UTRN: variants seen among roughly 807,000 people sequenced by gnomAD.
UTRN encodes utrophin.
UTRN carries 283 observed loss-of-function variants against 463.9 expected under a neutral mutation model. That is an observed-to-expected ratio of 0.61 (90% CI 0.55 to 0.67). The LOEUF (loss-of-function observed/expected upper bound fraction) is 0.67, where lower values mean the gene tolerates loss of function less well. Ranked by LOEUF, UTRN falls within the 30% of genes least tolerant of loss-of-function variation. The pLI is 0.00. For missense variants in UTRN, 3,922 were observed against 4,084.3 expected (o/e 0.96, Z 1.08); for synonymous variants, 1,442 against 1,431.5 (o/e 1.01, Z -0.17).
intron 51 of UTRN, among the ~76,000 whole-genome samples, chr6:144,677,870 CAT>C (rs1177085502): frequency 6.6e-6 from 1 of 152,096 alleles, no homozygotes; most frequent in African/African-American, 2.4e-5. Context: ...AGCTTTTTTT[CAT>C]ATGTTTGTTG....
intron 45 of UTRN, among the ~76,000 whole-genome samples, chr6:144,542,590 C>T (rs1260396053): frequency 1.3e-5 from 2 of 152,044 alleles, no homozygotes; most frequent in African/African-American, 2.4e-5. Context: ...CAGCTAAGGA[C>T]TGGTTGGTGT....
intron 1 of UTRN, among the ~76,000 whole-genome samples, chr6:144,290,372 T>A (rs1804107555): frequency 6.6e-6 from 1 of 152,238 alleles, no homozygotes; most frequent in African/African-American, 2.4e-5. Context: ...ATTTTGGTTT[T>A]CAAGACGCTG....
chr6:144,533,375 TGAC>T, intron 43 of UTRN, 115 bp downstream of exon 43: 1 of 1,473,418 alleles, frequency 6.8e-7, no homozygotes, highest in South Asian at 1.5e-5. Context: ...GGAATTTTAC[TGAC>T]ATTTAAGACC....
At chr6:144,504,215 T>A (rs146495302) in intron 34 of UTRN, among the ~76,000 whole-genome samples, 2 of 152,332 alleles carry the variant, frequency 1.3e-5, no homozygotes, top group Non-Finnish European at 2.9e-5. Flanking sequence ...CTCTTCCTAT[T>A]TGAATACGCT....
intron 60 of UTRN, among the ~76,000 whole-genome samples, chr6:144,777,136 G>T (rs1307145438): frequency 6.6e-6 from 1 of 152,118 alleles, no homozygotes; most frequent in African/African-American, 2.4e-5. Flanking sequence ...CAGAGCAGGG[G>T]TTGCTTAGGA....
chr6:144,838,093 G>A (rs566844924), intron 71 of UTRN, among the ~76,000 whole-genome samples: 1 of 152,306 alleles, frequency 6.6e-6, no homozygotes, highest in African/African-American at 2.4e-5. Context: ...TAACAACTTA[G>A]TGCATAGGTG....
chr6:144,404,392 T>G (rs1335510805), intron 3 of UTRN, among the ~76,000 whole-genome samples: 1 of 152,236 alleles, frequency 6.6e-6, no homozygotes, highest in African/African-American at 2.4e-5. Context: ...ATCTCGGGCT[T>G]GACATGAATA....
At chr6:144,587,493 G>T (rs1277488885) in intron 51 of UTRN, among the ~76,000 whole-genome samples, 2 of 152,040 alleles carry the variant, frequency 1.3e-5, no homozygotes, top group East Asian at 1.9e-4. Context: ...CTCTCAGCAG[G>T]TTTTTATGTT....
At chr6:144,595,077 GAA>G (rs1803502753) in intron 51 of UTRN, among the ~76,000 whole-genome samples, 1 of 152,072 alleles carries the variant, frequency 6.6e-6, no homozygotes, top group South Asian at 2.1e-4. Flanking sequence ...AGTATAATGG[GAA>G]AAATGCTGAA....
At chr6:144,606,801 G>T (rs67767204) in intron 51 of UTRN, among the ~76,000 whole-genome samples, 23,866 of 152,164 alleles carry the variant, frequency 0.16, 2,100 homozygotes, top group South Asian at 0.28. Flanking sequence ...TGTTTGAGGT[G>T]TAAGTGCCAA....
In UTRN at chr6:144,286,114, G is replaced by C. The variant is rs1803633818; in HGVS notation, c.-93+293G>C. On this transcript the variant is annotated intron_variant, in intron 1 of 74. Transcript: ENST00000367545. The surrounding 1 kb of genome is among the most constrained non-coding windows in gnomAD (Gnocchi z 4.4). ...AGTTGTGAACGATCCAAACTTATCT[G>C]ACCAGCTCTGTGCTGCCTCCCTGCT... Among the ~76,000 whole-genome samples, 1 of 152,238 alleles carries C rather than the reference G, an allele frequency of 6.6e-6. No homozygotes were observed. Among genetic ancestry groups the C allele is most frequent in the Admixed American group, 6.5e-5 (1 of 15,288 alleles).
chr6:144,474,786 G>A (rs774163880), intron 25 of UTRN, 27 bp downstream of exon 25: 52 of 1,606,102 alleles, frequency 3.2e-5, no homozygotes, highest in Non-Finnish European at 3.8e-5. Flanking sequence ...TACTACCTAC[G>A]GTTTTCAGGA....
intron 53 of UTRN, among the ~76,000 whole-genome samples, chr6:144,719,950 C>T (rs1786932201): frequency 6.6e-6 from 1 of 152,220 alleles, no homozygotes; most frequent in Non-Finnish European, 1.5e-5. Flanking sequence ...GAAAGAGTTG[C>T]TATTTAAAGA....
intron 1 of UTRN, among the ~76,000 whole-genome samples, chr6:144,291,391 G>T (rs928497711): frequency 2.6e-5 from 4 of 152,086 alleles, no homozygotes; most frequent in African/African-American, 9.7e-5. Flanking sequence ...ATCTTTAAAG[G>T]CTTGGCTCAA....
chr6:144,679,663 G>A lies in UTRN; in HGVS notation c.7652+1085G>A, dbSNP rs141078119. ...ATCTATGTAAATCCTGCCTAAGAAA[G>A]CATCTAGTTAAGTATTTTTATACAT... On this transcript the variant is annotated intron_variant, in intron 52 of 74. Coordinates refer to ENST00000367545, the MANE Select transcript of UTRN (RefSeq NM_007124.3). Among the ~76,000 whole-genome samples the A allele has an allele frequency of 4.3e-3, 648 of 152,250 alleles. 2 individuals are homozygous for A. Among genetic ancestry groups the A allele is most frequent in the African/African-American group, 0.014 (576 of 41,548 alleles).
chr6:144,443,974 G>A (rs926984362), intron 13 of UTRN, among the ~76,000 whole-genome samples: 4 of 151,956 alleles, frequency 2.6e-5, no homozygotes, highest in African/African-American at 9.7e-5. Context: ...ATGTAAAAAT[G>A]TCATATTCTC....
chr6:144,578,594 C>T (rs1217427555), intron 51 of UTRN, among the ~76,000 whole-genome samples: 1 of 152,162 alleles, frequency 6.6e-6, no homozygotes. Flanking sequence ...CTCGGTCTCC[C>T]GAAGTGCTGG....
At chr6:144,575,550 A>G (rs1801354441) in intron 50 of UTRN, among the ~76,000 whole-genome samples, 1 of 152,220 alleles carries the variant, frequency 6.6e-6, no homozygotes, top group Non-Finnish European at 1.5e-5. Flanking sequence ...ATATACAAAA[A>G]GAAATCTTGA....
At chr6:144,730,268 G>T in intron 53 of UTRN, 89 bp from the exon 54 acceptor site, 1 of 1,312,116 alleles carries the variant, frequency 7.6e-7, no homozygotes, top group Admixed American at 2.9e-5. Flanking sequence ...TTCTTGCTAA[G>T]TGTGGTCAGA....
Sources: allele counts gnomAD v4.1 joint callset (sites outside exome capture counted in the v4.1 genomes callset), GRCh38; gene constraint gnomAD v4.1.1; non-coding constraint Gnocchi (gnomAD v3.1); transcripts MANE v1.5; gene names NCBI Gene and HGNC (gene_info 2026-07-23, HGNC 2026-07-21).